MAPK10: variants seen among roughly 807,000 people sequenced by gnomAD.
MAPK10 encodes the protein mitogen-activated protein kinase 10, also known as JNK3 alpha protein kinase.
MAPK10 carries 25 observed loss-of-function variants against 59.3 expected under a neutral mutation model. The ratio of observed to expected loss-of-function variants is 0.42; its 90% CI spans 0.31 to 0.59. The LOEUF (loss-of-function observed/expected upper bound fraction) is 0.59. Among genes scored for constraint, MAPK10 ranks in the 20% least tolerant of loss-of-function variants. MAPK10 has a pLI of 0.15. For synonymous variants in MAPK10, 190 were observed against 200.5 expected (o/e 0.95, Z 0.44); for missense variants, 351 against 568.9 (o/e 0.62, Z 3.90).
At chr4:86,498,310 C>T (rs1008621927) in intron 1 of MAPK10, among the ~76,000 whole-genome samples, 1 of 152,240 alleles carries the variant, frequency 6.6e-6, no homozygotes, top group Non-Finnish European at 1.5e-5. Context: ...ACTGTTACCA[C>T]ACAACTGAGC....
chr4:86,142,344 A>C (rs1325257299), intron 4 of MAPK10, among the ~76,000 whole-genome samples: 1 of 152,242 alleles, frequency 6.6e-6, no homozygotes, highest in African/African-American at 2.4e-5. Context: ...ATGAATAAAG[A>C]GAGACTGCCA....
chr4:86,295,632 T>C (rs1346271571), intron 2 of MAPK10, among the ~76,000 whole-genome samples: 1 of 151,628 alleles, frequency 6.6e-6, no homozygotes, highest in East Asian at 1.9e-4. Context: ...TACTGTCTAC[T>C]ATGATACAAA....
At chr4:86,141,758 T>A (rs927419598) in intron 4 of MAPK10, among the ~76,000 whole-genome samples, 4 of 152,216 alleles carry the variant, frequency 2.6e-5, no homozygotes, top group Non-Finnish European at 5.9e-5. Flanking sequence ...GGCTAGAATT[T>A]TACATTACTA....
chr4:86,263,452 T>C (rs944833139), intron 2 of MAPK10, among the ~76,000 whole-genome samples: 5 of 152,190 alleles, frequency 3.3e-5, no homozygotes, highest in African/African-American at 1.2e-4. Flanking sequence ...TGGTCTAATC[T>C]AGCTGGAATC....
At chr4:86,237,059 C>A (rs1286889797) in intron 2 of MAPK10, among the ~76,000 whole-genome samples, 1 of 151,996 alleles carries the variant, frequency 6.6e-6, no homozygotes, top group Non-Finnish European at 1.5e-5. Context: ...TCTCCATGAT[C>A]AGCTCCCACT....
chr4:86,350,218 ATT>A (rs879348322), intron 2 of MAPK10, among the ~76,000 whole-genome samples: 5 of 134,028 alleles, frequency 3.7e-5, no homozygotes, highest in African/African-American at 1.1e-4. Context: ...TGTCCAGATA[ATT>A]TTTTTTTTTT....
chr4:86,159,813 A>G (rs535163977), intron 3 of MAPK10, among the ~76,000 whole-genome samples: 1 of 152,028 alleles, frequency 6.6e-6, no homozygotes, highest in Non-Finnish European at 1.5e-5. Flanking sequence ...CTCAGAGGTG[A>G]TATTAGATCC....
At chr4:86,409,591 T>C (rs1744857049) in intron 1 of MAPK10, among the ~76,000 whole-genome samples, 1 of 152,344 alleles carries the variant, frequency 6.6e-6, no homozygotes, top group African/African-American at 2.4e-5. Context: ...CAATGGTTTG[T>C]AGTTCTCCTT....
chr4:86,455,444 G>A (rs1195487841), upstream of MAPK10, among the ~76,000 whole-genome samples: 1 of 152,034 alleles, frequency 6.6e-6, no homozygotes, highest in African/African-American at 2.4e-5. Context: ...ATAAATTTAA[G>A]GTAAAGGGAA....
intron 9 of MAPK10, chr4:86,082,236 A>G (rs2050813829): frequency 6.6e-6 from 1 of 152,172 alleles, no homozygotes; most frequent in African/African-American, 2.4e-5. Context: ...GAGCACATAA[A>G]AATATTTGAA....
At chr4:86,065,859 T>C (rs2046637312) in intron 10 of MAPK10, among the ~76,000 whole-genome samples, 1 of 152,240 alleles carries the variant, frequency 6.6e-6, no homozygotes, top group African/African-American at 2.4e-5. Flanking sequence ...TAGATGACTC[T>C]GGATACATAT....
chr4:86,106,667 A>G (rs2056601681), intron 5 of MAPK10: 1 of 151,898 alleles, frequency 6.6e-6, no homozygotes, highest in African/African-American at 2.4e-5. Flanking sequence ...TCTTGATCCT[A>G]TTCTCAAGTG....
intron 3 of MAPK10, among the ~76,000 whole-genome samples, chr4:86,175,750 A>G (rs1227952501): frequency 6.6e-6 from 1 of 152,160 alleles, no homozygotes; most frequent in Non-Finnish European, 1.5e-5. Flanking sequence ...TTATTTATAA[A>G]TTACCTAGCC....
intron 4 of MAPK10, among the ~76,000 whole-genome samples, chr4:86,142,916 G>C (rs2063957583): frequency 6.6e-6 from 1 of 152,166 alleles, no homozygotes; most frequent in Non-Finnish European, 1.5e-5. Context: ...CAAGACAATG[G>C]GTGAGGGCAG....
intron 1 of MAPK10, among the ~76,000 whole-genome samples, chr4:86,483,006 G>C (rs566384837): frequency 6.6e-6 from 1 of 152,260 alleles, no homozygotes; most frequent in Admixed American, 6.5e-5. Context: ...CACAGCAGGG[G>C]TTAAATGTGC....
intron 1 of MAPK10, among the ~76,000 whole-genome samples, chr4:86,588,553 T>C (rs1376680712): frequency 6.6e-6 from 1 of 152,178 alleles, no homozygotes; most frequent in Non-Finnish European, 1.5e-5. Flanking sequence ...TCTGTTAGCA[T>C]GGACATTTAT....
intron 4 of MAPK10, among the ~76,000 whole-genome samples, chr4:86,146,777 A>G (rs1490119885): frequency 6.6e-6 from 1 of 152,244 alleles, no homozygotes; most frequent in Non-Finnish European, 1.5e-5. Flanking sequence ...TTGAGCTTCT[A>G]TCATTTTCTG....
At chr4:86,019,506 A>T (rs962008404) in intron 13 of MAPK10, among the ~76,000 whole-genome samples, 1 of 152,102 alleles carries the variant, frequency 6.6e-6, no homozygotes, top group Non-Finnish European at 1.5e-5. Flanking sequence ...CCCCATAGCT[A>T]TGGTACAGAG....
intron 2 of MAPK10, among the ~76,000 whole-genome samples, chr4:86,307,765 C>T (rs979131191): frequency 2.0e-5 from 3 of 152,086 alleles, no homozygotes; most frequent in African/African-American, 7.2e-5. Flanking sequence ...GGAATATTGT[C>T]AAGGTCCTTC....
Sources: allele counts gnomAD v4.1 joint callset (sites outside exome capture counted in the v4.1 genomes callset), GRCh38; gene constraint gnomAD v4.1.1; transcripts MANE v1.5; gene names NCBI Gene and HGNC (gene_info 2026-07-23, HGNC 2026-07-21).